Variants in RYR3 observed in about 807,000 individuals in gnomAD.
RYR3 encodes the protein brain ryanodine receptor-calcium release channel.
A neutral mutation model predicts 584.3 loss-of-function variants in RYR3; 207 were observed. The ratio of observed to expected loss-of-function variants is 0.35; its 90% CI spans 0.32 to 0.40. The LOEUF (loss-of-function observed/expected upper bound fraction) is 0.40, where lower values mean the gene tolerates loss of function less well. RYR3 is among the 10% of genes least tolerant of loss of function. The pLI, the probability that RYR3 is intolerant of heterozygous loss-of-function variation, is 1.00. For missense variants in RYR3, 5,616 were observed against 6,089.2 expected (o/e 0.92, Z 2.59); for synonymous variants, 2,416 against 2,248.5 (o/e 1.07, Z -2.11).
chr15:33,525,869 T>G, intron 3 of RYR3, among the ~76,000 whole-genome samples: 1 of 152,230 alleles, frequency 6.6e-6, no homozygotes, highest in East Asian at 1.9e-4. Flanking sequence ...CCAGAAAGAC[T>G]TCTTTCTTCT....
chr15:33,351,063 A>T (rs1470402400), intron 1 of RYR3, among the ~76,000 whole-genome samples: 4 of 152,194 alleles, frequency 2.6e-5, no homozygotes, highest in African/African-American at 9.7e-5. Context: ...TGCAATAAAA[A>T]ATGATAAAGG....
intron 1 of RYR3, among the ~76,000 whole-genome samples, chr15:33,405,780 A>C (rs939680361): frequency 1.3e-5 from 2 of 152,214 alleles, no homozygotes; most frequent in African/African-American, 4.8e-5. Context: ...CTTCAGACCC[A>C]GTTAATCTAA....
intron 36 of RYR3, among the ~76,000 whole-genome samples, chr15:33,664,010 A>G (rs964494808): frequency 1.3e-5 from 2 of 152,146 alleles, no homozygotes; most frequent in Non-Finnish European, 2.9e-5. Context: ...TACTGATTCA[A>G]AGACCAGACC....
intron 41 of RYR3, among the ~76,000 whole-genome samples, chr15:33,700,180 AC>A: frequency 6.6e-6 from 1 of 152,278 alleles, no homozygotes; most frequent in Admixed American, 6.5e-5. Context: ...CACTCAACTG[AC>A]CAGGGAGCAG....
intron 62 of RYR3, among the ~76,000 whole-genome samples, chr15:33,771,248 T>G (rs915563363): frequency 1.3e-5 from 2 of 152,106 alleles, no homozygotes; most frequent in African/African-American, 2.4e-5. Context: ...AAAAGTTGTT[T>G]ATCTAGGCTG....
intron 52 of RYR3, among the ~76,000 whole-genome samples, chr15:33,743,146 A>G (rs535226053): frequency 3.3e-5 from 5 of 152,180 alleles, no homozygotes; most frequent in African/African-American, 4.8e-5. Context: ...GTCCACAGCA[A>G]AGCCACAGAA....
chr15:33,662,551 T>C lies in RYR3; in HGVS notation c.5021T>C (p.Val1674Ala), dbSNP rs1385179230. Residue 1674 changes from valine to alanine, a missense_variant, in exon 35 of 104, where the codon GTG becomes GCG. Val to Ala is a moderately conservative substitution (Grantham distance 64, BLOSUM62 0). This residue lies in a region of RYR3 where 753 missense variants were observed against 741.0 expected (regional missense o/e 1.02). Coordinates refer to ENST00000634891, the MANE Select transcript of RYR3 (RefSeq NM_001036.6). ...GFRFSTPCFV[V>A]TGEDHQKQSP... ...AGGTTCTCCACCCCTTGCTTTGTTG[T>C]GACTGGTGAGGATCACCAAAAGCAG... 4 of 1,613,852 alleles carry C rather than the reference T, an allele frequency of 2.5e-6. No individual in the cohort carries two copies. Among genetic ancestry groups the C allele is most frequent in the Non-Finnish European group, 2.5e-6 (3 of 1,179,884 alleles).
At chr15:33,477,046 A>G (rs1317926191) in intron 2 of RYR3, among the ~76,000 whole-genome samples, 4 of 152,294 alleles carry the variant, frequency 2.6e-5, no homozygotes, top group Admixed American at 2.0e-4. Context: ...GAGCTGTACC[A>G]TTCTTAGATT....
intron 27 of RYR3, 54 bp downstream of exon 27, chr15:33,636,604 A>G: frequency 6.7e-7 from 1 of 1,487,492 alleles, no homozygotes; most frequent in Non-Finnish European, 9.1e-7. Context: ...AGGAAAATAT[A>G]GGGAGAGCTG....
Position 33,585,984 on chromosome 15 carries a change from T to C in RYR3, c.1670-14T>C, listed in dbSNP as rs1327479191. On this transcript the variant is annotated splice_polypyrimidine_tract_variant and intron_variant, in intron 15 of 103. Transcript: ENST00000634891. ...ATTTAATGTCCAAATTTGATGTTTG[T>C]GGCATTCATGTAGGTATCTTGGAAG... 5 of 1,518,526 alleles carry C rather than the reference T, an allele frequency of 3.3e-6. No individual in the cohort carries two copies. The highest frequency in any genetic ancestry group is 4.6e-6 in the Non-Finnish European group (5 of 1,092,926). 94.1% of individuals were successfully genotyped at this position (1,518,526 alleles called of 1,614,324 possible). A position where few individuals can be genotyped will look rare whatever the true frequency, so the allele number is the denominator to read the frequency against.
chr15:33,327,006 T>TA (rs34822996), intron 1 of RYR3, among the ~76,000 whole-genome samples: 74,822 of 147,646 alleles, frequency 0.51, 20,284 homozygotes, highest in African/African-American at 0.73. Flanking sequence ...GGGTGTAGTT[T>TA]AAAAAAAAAA....
rs779144554 is a variant in RYR3, at chr15:33,838,537, C to T, written c.12557C>T (p.Ser4186Phe). ...AAGGAGCTGGTGAAGGTGCTCTTCT[C>T]CTTTTTCTGGATGCTGTTCGTGGGG... ...TAKELVKVLF[S>F]FFWMLFVGLF... The change falls in exon 89 of 104, where the codon TCC (serine) becomes TTC (phenylalanine). Residue 4186 changes from serine to phenylalanine, a missense_variant. Coordinates refer to ENST00000634891, the MANE Select transcript of RYR3 (RefSeq NM_001036.6). 1 of 1,613,928 alleles carries T rather than the reference C, an allele frequency of 6.2e-7. No individual in the cohort carries two copies.
intron 57 of RYR3, among the ~76,000 whole-genome samples, chr15:33,753,223 T>A (rs1372299341): frequency 6.6e-6 from 1 of 152,220 alleles, no homozygotes; most frequent in East Asian, 1.9e-4. Flanking sequence ...CTCTTCATAC[T>A]TTTATTTGTT....
intron 1 of RYR3, among the ~76,000 whole-genome samples, chr15:33,312,399 A>G (rs1967463087): frequency 1.3e-5 from 2 of 151,980 alleles, no homozygotes; most frequent in Admixed American, 1.3e-4. Context: ...GGAAGTACCT[A>G]TCGCCCTGCT....
chr15:33,861,322 ACT>A, intron 102 of RYR3, 144 bp downstream of exon 102: 1 of 575,562 alleles, frequency 1.7e-6, no homozygotes, highest in Non-Finnish European at 3.1e-6. Context: ...TTGTCCATAG[ACT>A]CTGTCTCTCC....
intron 1 of RYR3, among the ~76,000 whole-genome samples, chr15:33,405,095 T>C (rs575662099): frequency 2.4e-4 from 37 of 152,340 alleles, no homozygotes; most frequent in African/African-American, 8.4e-4. Flanking sequence ...TATGGAAACA[T>C]TAGAAATACG....
At chr15:33,507,601 C>A (rs1251561711) in intron 3 of RYR3, among the ~76,000 whole-genome samples, 1 of 152,180 alleles carries the variant, frequency 6.6e-6, no homozygotes, top group Non-Finnish European at 1.5e-5. Flanking sequence ...TGTCTACCAA[C>A]CTTCAGCAGG....
At chr15:33,357,378 A>AG (rs1974126880) in intron 1 of RYR3, among the ~76,000 whole-genome samples, 1 of 152,198 alleles carries the variant, frequency 6.6e-6, no homozygotes, top group Non-Finnish European at 1.5e-5. Flanking sequence ...CCGGTAGGTG[A>AG]GGGCACAACC....
At chr15:33,814,524 C>G (rs1351541921) in intron 74 of RYR3, among the ~76,000 whole-genome samples, 1 of 152,214 alleles carries the variant, frequency 6.6e-6, no homozygotes, top group Non-Finnish European at 1.5e-5. Context: ...TCTTGGCCAT[C>G]ATTTGTCCAG....
Sources: gnomAD v4.1 joint callset for allele counts (sites outside exome capture counted in the v4.1 genomes callset) on GRCh38, gnomAD v4.1.1 for gene constraint, gnomAD v4.1.1 regional missense constraint, MANE v1.5 for transcripts, NCBI Gene and HGNC (gene_info 2026-07-23, HGNC 2026-07-21) for gene names.